ERICH3: variants seen among roughly 807,000 people sequenced by gnomAD.
The protein encoded by ERICH3 is glutamate rich 3.
ERICH3 carries 126 observed loss-of-function variants against 131.1 expected under a neutral mutation model. That is an observed-to-expected ratio of 0.96 (90% CI 0.83 to 1.11). The LOEUF (loss-of-function observed/expected upper bound fraction) is 1.11, where lower values mean the gene tolerates loss of function less well. Ranked by LOEUF, ERICH3 falls within the 50% of genes most tolerant of loss-of-function variation. The pLI, the probability that ERICH3 is intolerant of heterozygous loss-of-function variation, is 0.00. For missense variants in ERICH3, 2,050 were observed against 1,810.7 expected, an observed-to-expected ratio of 1.13 and a Z score of -2.40; for synonymous variants, 695 against 644.6, an observed-to-expected ratio of 1.08 and a Z score of -1.18.
At chr1:74,630,619 C>G (rs1048246907) in intron 7 of ERICH3, among the ~76,000 whole-genome samples, 3 of 152,058 alleles carry the variant, frequency 2.0e-5, no homozygotes, top group Non-Finnish European at 4.4e-5. Context: ...CTATAGAGAA[C>G]TTACTAATGA....
At chr1:74,658,866 G>C (rs886409934) in intron 1 of ERICH3, among the ~76,000 whole-genome samples, 2 of 152,136 alleles carry the variant, frequency 1.3e-5, no homozygotes, top group African/African-American at 2.4e-5. Flanking sequence ...ATCTGTAAAA[G>C]GGGAAAATAA....
chr1:74,585,093 A>G (rs1376124823), intron 12 of ERICH3, among the ~76,000 whole-genome samples: 3 of 152,336 alleles, frequency 2.0e-5, no homozygotes, highest in East Asian at 1.9e-4. Context: ...CATTAAATAC[A>G]CTACTCTTTA....
intron 6 of ERICH3, among the ~76,000 whole-genome samples, chr1:74,632,180 G>A (rs1253642666): frequency 1.3e-5 from 2 of 151,950 alleles, no homozygotes; most frequent in African/African-American, 2.4e-5. Context: ...TACTTTTGGG[G>A]TTTTTCTTCA....
intron 10 of ERICH3, among the ~76,000 whole-genome samples, chr1:74,600,843 C>A (rs780071760): frequency 2.0e-5 from 3 of 151,356 alleles, no homozygotes; most frequent in Non-Finnish European, 3.0e-5. Context: ...TAAAAATTAC[C>A]GAGAGAATAA....
intron 6 of ERICH3, among the ~76,000 whole-genome samples, chr1:74,632,939 C>T (rs748986147): frequency 1.3e-5 from 2 of 151,846 alleles, no homozygotes; most frequent in Non-Finnish European, 2.9e-5. Context: ...AAGTGAGTCA[C>T]TGAATTTTCA....
At chr1:74,639,285 G>A (rs1311375480) in intron 5 of ERICH3, among the ~76,000 whole-genome samples, 4 of 152,254 alleles carry the variant, frequency 2.6e-5, no homozygotes, top group African/African-American at 9.6e-5. Context: ...ACAGTTTACT[G>A]CAAACTAGAA....
At position 74,641,309 on chromosome 1, in the gene ERICH3, C is replaced by G. The variant is rs201122011; in HGVS notation, c.444+22G>C. ...ATTAATTAGCTGGGATACTGCATGA[C>G]GAAGTGTTTAATATTACTCACCAGT... On this transcript the variant is annotated intron_variant, in intron 5 of 14. Coordinates refer to ENST00000326665, the MANE Select transcript of ERICH3 (RefSeq NM_001002912.5). 13 of 1,607,462 alleles carry G rather than the reference C, an allele frequency of 8.1e-6. No homozygotes were observed. The East Asian group carries it at 2.7e-4, about 33-fold the overall frequency.
intron 11 of ERICH3, among the ~76,000 whole-genome samples, chr1:74,596,870 G>A (rs542147256): frequency 1.7e-4 from 26 of 152,094 alleles, no homozygotes; most frequent in African/African-American, 5.8e-4. Flanking sequence ...TCACTCATGG[G>A]CTGCTCAGCA....
At chr1:74,628,783 A>G (rs1344361925) in intron 7 of ERICH3, among the ~76,000 whole-genome samples, 1 of 152,118 alleles carries the variant, frequency 6.6e-6, no homozygotes, top group Non-Finnish European at 1.5e-5. Context: ...ATATGACAAA[A>G]AGGATCTCCT....
At chr1:74,644,425 C>T (rs1646464899) in intron 3 of ERICH3, among the ~76,000 whole-genome samples, 1 of 151,986 alleles carries the variant, frequency 6.6e-6, no homozygotes, top group South Asian at 2.1e-4. Context: ...CCTTTTGTTC[C>T]CCCAGTGCTC....
intron 6 of ERICH3, among the ~76,000 whole-genome samples, chr1:74,633,512 C>G (rs1646360930): frequency 6.6e-6 from 1 of 151,868 alleles, no homozygotes; most frequent in African/African-American, 2.4e-5. Context: ...TACATGCCTT[C>G]TTTGGAAATG....
chr1:74,668,807 T>A (rs139428975), intron 1 of ERICH3, among the ~76,000 whole-genome samples: 277 of 152,342 alleles, frequency 1.8e-3, no homozygotes, highest in African/African-American at 6.5e-3. Flanking sequence ...CTTAATTTGT[T>A]AATATTTAAC....
In ERICH3 at chr1:74,572,087, T is replaced by TG. The variant is rs1557655375; in HGVS notation, c.3622dup (p.His1208ProfsTer13). On this transcript the variant is annotated frameshift_variant, in exon 14 of 15. Coordinates refer to ENST00000326665, the MANE Select transcript of ERICH3 (RefSeq NM_001002912.5). LOFTEE classifies it high-confidence loss of function. Reference sequence around the variant, plus strand: ...TAAGGCCCCCTCTCCATCTTGGCGGTGCCCTTCCTTCAGGGCCCTATTCTC... The same window carrying TG: ...TAAGGCCCCCTCTCCATCTTGGCGGTGGCCCTTCCTTCAGGGCCCTATTCTC... The TG allele has an allele frequency of 3.1e-6, 5 of 1,614,102 alleles. No individual in the cohort carries two copies. In the Admixed American group the frequency reaches 8.3e-5, roughly 27 times the overall value.
At chr1:74,599,400 G>GA (rs1255199849) in intron 11 of ERICH3, among the ~76,000 whole-genome samples, 1 of 151,836 alleles carries the variant, frequency 6.6e-6, no homozygotes, top group Non-Finnish European at 1.5e-5. Context: ...ACATAGTGGG[G>GA]AACAACAAAC....
In ERICH3 at chr1:74,571,987, C is replaced by T; in HGVS notation, c.3723G>A (p.Glu1241=). ...EGLIPATGQA[E]ELAAKDHDSC... ...AGTCGTGATCTTTGGCTGCTAGCTC[C>T]TCTGCCTGGCCTGTGGCTGGGATCA... Residue 1241 remains glutamate, a synonymous_variant, in exon 14 of 15, where the codon GAG becomes GAA. Transcript: ENST00000326665. 2 of 1,614,084 alleles carry T rather than the reference C, an allele frequency of 1.2e-6. No homozygotes were observed. Among genetic ancestry groups the T allele is most frequent in the South Asian group, 2.2e-5 (2 of 91,082 alleles).
chr1:74,576,754 C>A, intron 13 of ERICH3, 141 bp downstream of exon 13: 1 of 694,850 alleles, frequency 1.4e-6, no homozygotes, highest in Non-Finnish European at 2.3e-6. Context: ...TAAATATATT[C>A]AAATAAGCAC....
rs761301934 is a variant in ERICH3, at chr1:74,572,585, C to T, written c.3125G>A (p.Arg1042Lys). The change falls in exon 14 of 15, where the codon AGG becomes AAG. Residue 1042 changes from arginine (R) to lysine (K), a missense_variant. Physicochemically the swap from Arg to Lys is conservative, Grantham distance 26. Transcript: ENST00000326665. Reference protein sequence around the residue: ...EEMVTEAEANREDDRKEILPK... With the variant: ...EEMVTEAEANKEDDRKEILPK... ...TAAAATTTCTTTCCTATCATCTTCC[C>T]TATTAGCTTCTGCCTCAGTCACCAT... 1 of 1,614,024 alleles carries T rather than the reference C, an allele frequency of 6.2e-7. No individual in the cohort carries two copies.
chr1:74,631,171 T>G (rs1646328731), intron 7 of ERICH3, among the ~76,000 whole-genome samples: 1 of 152,160 alleles, frequency 6.6e-6, no homozygotes, highest in South Asian at 2.1e-4. Context: ...AGAGATATTT[T>G]GCCTTCTTAC....
chr1:74,655,474 C>G (rs1646575144), intron 1 of ERICH3, among the ~76,000 whole-genome samples: 1 of 152,114 alleles, frequency 6.6e-6, no homozygotes, highest in African/African-American at 2.4e-5. Flanking sequence ...TTTCCATTGC[C>G]AAATGCAGCC....
Sources: allele counts gnomAD v4.1 joint callset (sites outside exome capture counted in the v4.1 genomes callset), GRCh38; gene constraint gnomAD v4.1.1; transcripts MANE v1.5; gene names NCBI Gene and HGNC (gene_info 2026-07-23, HGNC 2026-07-21).